DUSP16: variants seen among roughly 807,000 people sequenced by gnomAD.
DUSP16 encodes dual specificity phosphatase 16.
A neutral mutation model predicts 58.3 loss-of-function variants in DUSP16; 21 were observed. The ratio of observed to expected loss-of-function variants is 0.36; its 90% confidence interval spans 0.26 to 0.52. The LOEUF (loss-of-function observed/expected upper bound fraction) is 0.52, where lower values mean the gene tolerates loss of function less well. Among genes scored for constraint, DUSP16 ranks in the 20% least tolerant of loss-of-function variants. The pLI is 0.94. For synonymous variants in DUSP16, 320 were observed against 323.8 expected, an observed-to-expected ratio of 0.99 and a Z score of 0.12; for missense variants, 726 against 819.0, an observed-to-expected ratio of 0.89 and a Z score of 1.39.
chr12:12,553,601 G>A (rs1944764265), intron 1 of DUSP16, among the ~76,000 whole-genome samples: 2 of 151,952 alleles, frequency 1.3e-5, no homozygotes, highest in South Asian at 4.1e-4. Context: ...GGAGTGCACT[G>A]GCACTAACAT....
intron 1 of DUSP16, among the ~76,000 whole-genome samples, chr12:12,538,380 AAAG>A (rs2136248737): frequency 6.6e-6 from 1 of 152,350 alleles, no homozygotes; most frequent in South Asian, 2.1e-4. Flanking sequence ...TTTCATAGCC[AAAG>A]AAGGACTTCC....
At chr12:12,478,140 T>G in intron 6 of DUSP16, 125 bp from the exon 7 acceptor site, 1 of 912,290 alleles carries the variant, frequency 1.1e-6, no homozygotes, top group Non-Finnish European at 1.7e-6. Flanking sequence ...GATGATTGGT[T>G]TACAAGTTCG....
intron 1 of DUSP16, among the ~76,000 whole-genome samples, chr12:12,529,795 C>T (rs2136240328): frequency 6.6e-6 from 1 of 152,304 alleles, no homozygotes; most frequent in South Asian, 2.1e-4. Flanking sequence ...ATTTGTCTTC[C>T]TGTGTCTTGT....
intron 1 of DUSP16, among the ~76,000 whole-genome samples, chr12:12,531,167 T>C (rs184721994): frequency 5.0e-4 from 76 of 152,122 alleles, no homozygotes; most frequent in African/African-American, 1.8e-3. Flanking sequence ...TGGAACACAG[T>C]CTAAGGGGAG....
At chr12:12,522,708 C>A (rs537058503) in intron 1 of DUSP16, among the ~76,000 whole-genome samples, 1 of 151,606 alleles carries the variant, frequency 6.6e-6, no homozygotes. Flanking sequence ...GGACTACAGG[C>A]GCGCACCACC....
At chr12:12,531,890 G>T (rs1944392278) in intron 1 of DUSP16, among the ~76,000 whole-genome samples, 2 of 151,080 alleles carry the variant, frequency 1.3e-5, no homozygotes, top group African/African-American at 2.4e-5. Flanking sequence ...CGGGCGCGGT[G>T]GCTCACGCCT....
At chr12:12,525,067 G>A (rs12369102) in intron 1 of DUSP16, among the ~76,000 whole-genome samples, 12 of 152,040 alleles carry the variant, frequency 7.9e-5, no homozygotes, top group Admixed American at 2.6e-4. Context: ...AATTAATATA[G>A]AATGAAGCAC....
intron 1 of DUSP16, among the ~76,000 whole-genome samples, chr12:12,548,243 C>T (rs1015434244): frequency 6.6e-6 from 1 of 152,096 alleles, no homozygotes; most frequent in East Asian, 1.9e-4. Flanking sequence ...ATATAAATGG[C>T]CAACTATTTG....
At chr12:12,507,217 G>T (rs1266611526) in intron 3 of DUSP16, among the ~76,000 whole-genome samples, 1 of 152,080 alleles carries the variant, frequency 6.6e-6, no homozygotes, top group Non-Finnish European at 1.5e-5. Flanking sequence ...CTTTACTGTG[G>T]CTTACTGATA....
At chr12:12,550,367 G>C (rs1944707814) in intron 1 of DUSP16, among the ~76,000 whole-genome samples, 1 of 152,056 alleles carries the variant, frequency 6.6e-6, no homozygotes, top group African/African-American at 2.4e-5. Context: ...GTGATCCAGA[G>C]ATGAGGAAGG....
In DUSP16 at chr12:12,478,029, A is replaced by T; in HGVS notation, c.816-14T>A. On this transcript the variant is annotated splice_polypyrimidine_tract_variant and intron_variant, in intron 6 of 6. Transcript: ENST00000298573. ...TCTTTCACAAATCTGCAGAGAGAGGAAAAAACAAAAACCCGAATTTTACAA... is the reference window on the plus strand; with the variant it reads ...TCTTTCACAAATCTGCAGAGAGAGGTAAAAACAAAAACCCGAATTTTACAA... The T allele has an allele frequency of 1.3e-6, 2 of 1,546,056 alleles. No homozygotes were observed. The highest frequency in any genetic ancestry group is 1.7e-6 in the Non-Finnish European group (2 of 1,147,074).
At position 12,477,674 on chromosome 12, in the gene DUSP16, G is replaced by A. The variant is rs1250064375; in HGVS notation, c.1157C>T (p.Ser386Phe). 6.2e-7 allele frequency: 1 copy of A among 1,613,922 alleles called. No individual in the cohort carries two copies. Among genetic ancestry groups the A allele is most frequent in the Middle Eastern group, 1.6e-4 (1 of 6,082 alleles). Residue 386 changes from serine (S) to phenylalanine (F), a missense_variant, in exon 7 of 7, where the codon TCC becomes TTC. Physicochemically the swap from Ser to Phe is radical, Grantham distance 155 (BLOSUM62 -2). Coordinates refer to ENST00000298573, the MANE Select transcript of DUSP16 (RefSeq NM_030640.3). The surrounding 1 kb of genome is among the most constrained non-coding windows in gnomAD (Gnocchi z 4.1). ...ATTGCTGTCTTCCAGCCTGTCTGCG[G>A]ACAGGTGCAGCCCACTGAGCGCCTG... ...LVQALSGLHL[S>F]ADRLEDSNKL...
At chr12:12,480,425 A>T in intron 5 of DUSP16, 79 bp from the exon 6 acceptor site, 1 of 1,537,806 alleles carries the variant, frequency 6.5e-7, no homozygotes, top group Non-Finnish European at 8.8e-7. Context: ...TTACTTACTC[A>T]GTGTCTTCCA....
intron 3 of DUSP16, among the ~76,000 whole-genome samples, chr12:12,516,617 TATGG>T (rs1461029844): frequency 2.2e-4 from 33 of 152,210 alleles, no homozygotes; most frequent in Admixed American, 2.2e-3. Context: ...CATCTGCTTA[TATGG>T]ATGAAGAAAG....
intron 1 of DUSP16, among the ~76,000 whole-genome samples, chr12:12,527,406 T>C (rs180783726): frequency 6.6e-6 from 1 of 152,224 alleles, no homozygotes; most frequent in East Asian, 1.9e-4. Context: ...TGGGTTAAGA[T>C]AAACTTGATA....
chr12:12,506,299 G>C (rs1943996214), intron 3 of DUSP16: 1 of 152,160 alleles, frequency 6.6e-6, no homozygotes, highest in South Asian at 2.1e-4. Context: ...TTATGCAAAC[G>C]TTCTGCTCCA....
chr12:12,545,800 TAA>T lies in DUSP16; in HGVS notation c.-366+16315_-366+16316del, dbSNP rs201123749. On this transcript the variant is annotated intron_variant, in intron 1 of 6. Transcript: ENST00000298573. The stretch of plus-strand genomic sequence containing the variant: ...ACAGATAAGAGAGTACATGGATAAA[TAA>T]AGTCTAACGATATCCTATAAACTAC... Among the ~76,000 whole-genome samples the T allele has an allele frequency of 3.1e-3, 471 of 152,238 alleles. 5 individuals carry two copies. Among genetic ancestry groups the T allele is most frequent in the African/African-American group, 0.011 (451 of 41,540 alleles).
At chr12:12,534,343 C>T (rs1944435342) in intron 1 of DUSP16, among the ~76,000 whole-genome samples, 1 of 152,182 alleles carries the variant, frequency 6.6e-6, no homozygotes, top group African/African-American at 2.4e-5. Flanking sequence ...AGCAAAGTAC[C>T]ACAAAGTGAC....
intron 4 of DUSP16, among the ~76,000 whole-genome samples, chr12:12,498,617 G>A (rs919751974): frequency 2.6e-5 from 4 of 151,982 alleles, no homozygotes; most frequent in Admixed American, 6.6e-5. Context: ...GTTTTGCCAC[G>A]TTGTCCTGGC....
Sources: gnomAD v4.1 joint callset for allele counts (sites outside exome capture counted in the v4.1 genomes callset) on GRCh38, gnomAD v4.1.1 for gene constraint, Gnocchi (gnomAD v3.1) non-coding constraint, MANE v1.5 for transcripts, NCBI Gene and HGNC (gene_info 2026-07-23, HGNC 2026-07-21) for gene names.